Variants in TMEM132B observed in about 807,000 individuals in gnomAD.
TMEM132B encodes the protein transmembrane protein 132B.
A neutral mutation model predicts 90.8 loss-of-function variants in TMEM132B; 18 were observed. The ratio of observed to expected loss-of-function variants is 0.20; its 90% confidence interval spans 0.14 to 0.29. The LOEUF (loss-of-function observed/expected upper bound fraction) is 0.29, where lower values mean the gene tolerates loss of function less well. Ranked by LOEUF, TMEM132B falls within the 10% of genes least tolerant of loss-of-function variation. The probability of loss-of-function intolerance (pLI) is 1.00; values close to 1 mark genes in which losing one functional copy is unlikely to be tolerated. For missense variants in TMEM132B, 1,096 were observed against 1,326.8 expected (o/e 0.83, Z 2.70); for synonymous variants, 504 against 523.3 (o/e 0.96, Z 0.50).
chr12:125,624,300 A>T lies in TMEM132B; in HGVS notation c.1438-19776A>T, dbSNP rs1358043517. ...CTTCCAGTGCTGGTGAGGGGCAGAG[A>T]GGGGCTCCCAGGACCTGCCAGTTGC... On this transcript the variant is annotated intron_variant, in intron 5 of 8. Transcript: ENST00000682704. Among the ~76,000 whole-genome samples, 3 of 152,138 alleles carry T rather than the reference A, an allele frequency of 2.0e-5. 1 individual carries two copies. Among genetic ancestry groups the T allele is most frequent in the Non-Finnish European group, 4.4e-5 (3 of 68,010 alleles).
intron 4 of TMEM132B, among the ~76,000 whole-genome samples, chr12:125,531,591 G>A (rs1041692415): frequency 1.3e-5 from 2 of 152,172 alleles, no homozygotes; most frequent in East Asian, 1.9e-4. Context: ...AATTACCGTT[G>A]AGGAAGACAC....
intron 1 of TMEM132B, among the ~76,000 whole-genome samples, chr12:125,231,884 T>TCCC (rs5801589): frequency 6.7e-6 from 1 of 149,642 alleles, no homozygotes; most frequent in African/African-American, 2.5e-5. Context: ...TTCTTTTGTG[T>TCCC]CCCCCCCCCA....
intron 1 of TMEM132B, among the ~76,000 whole-genome samples, chr12:125,237,666 C>T (rs1348498172): frequency 6.6e-6 from 1 of 152,198 alleles, no homozygotes; most frequent in Admixed American, 6.5e-5. Flanking sequence ...CTAGGCTTGT[C>T]TCGAACTCCT....
chr12:125,349,780 C>T lies in TMEM132B; in HGVS notation c.396C>T (p.Ser132=). 1.2e-6 allele frequency: 2 copies of T among 1,614,230 alleles called. No homozygotes were observed. Among genetic ancestry groups the T allele is most frequent in the Non-Finnish European group, 1.7e-6 (2 of 1,180,042 alleles). Residue 132 remains serine (S), a synonymous_variant, in exon 2 of 9, where the codon AGC becomes AGT. Coordinates refer to ENST00000682704, the MANE Select transcript of TMEM132B (RefSeq NM_001366854.1). This position sits in a 1 kb window ranked among gnomAD's most constrained non-coding sequence, Gnocchi z 4.1. The part of the protein sequence containing the change: ...NWKLKSHILD[S]SIYSNRPKVQ... ...AATTGAAATCCCACATCCTTGACAG[C>T]TCCATCTACTCCAACAGACCCAAAG...
At chr12:125,328,947 C>T (rs976127362) in intron 1 of TMEM132B, among the ~76,000 whole-genome samples, 1 of 152,150 alleles carries the variant, frequency 6.6e-6, no homozygotes, top group African/African-American at 2.4e-5. Context: ...AACTTCAGTG[C>T]CGGGCACAGG....
At chr12:125,363,058 CGTT>C (rs1878012197) in intron 2 of TMEM132B, among the ~76,000 whole-genome samples, 1 of 152,122 alleles carries the variant, frequency 6.6e-6, no homozygotes, top group South Asian at 2.1e-4. Context: ...TTGCCTGCCA[CGTT>C]GAACACAAAC....
intron 4 of TMEM132B, among the ~76,000 whole-genome samples, chr12:125,569,332 G>T (rs886974460): frequency 2.0e-5 from 3 of 152,128 alleles, no homozygotes; most frequent in African/African-American, 7.2e-5. Context: ...CTGGCCCAGG[G>T]TCACCTAGGA....
intron 1 of TMEM132B, among the ~76,000 whole-genome samples, chr12:125,287,505 C>T (rs10846859): frequency 0.14 from 20,752 of 152,058 alleles, 1,585 homozygotes; most frequent in African/African-American, 0.2. Flanking sequence ...CACATGTAGA[C>T]CAATACTCAG....
At chr12:125,405,752 C>T (rs1217551616) in intron 2 of TMEM132B, among the ~76,000 whole-genome samples, 1 of 152,188 alleles carries the variant, frequency 6.6e-6, no homozygotes, top group African/African-American at 2.4e-5. Flanking sequence ...GAGACCTACT[C>T]ATAGTGCTGT....
chr12:125,543,152 TCAGAAGTCCAGA>T (rs1420187198), intron 4 of TMEM132B, among the ~76,000 whole-genome samples: 2 of 152,224 alleles, frequency 1.3e-5, no homozygotes, highest in African/African-American at 4.8e-5. Flanking sequence ...TCTACTTTTC[TCAGAAGTCCAGA>T]CAGTCTCTGT....
intron 1 of TMEM132B, among the ~76,000 whole-genome samples, chr12:125,332,426 AT>A (rs201319756): frequency 3.3e-5 from 5 of 150,940 alleles, no homozygotes; most frequent in South Asian, 2.1e-4. Flanking sequence ...TTCTTCATCA[AT>A]TTTTTTTTCC....
chr12:125,366,345 G>A (rs1007582964), intron 2 of TMEM132B, among the ~76,000 whole-genome samples: 2 of 152,156 alleles, frequency 1.3e-5, no homozygotes, highest in Admixed American at 6.5e-5. Context: ...ACGCAGGAGT[G>A]CAGATATCTC....
chr12:125,538,033 A>G (rs1054327762), intron 4 of TMEM132B, among the ~76,000 whole-genome samples: 3 of 152,060 alleles, frequency 2.0e-5, no homozygotes, highest in African/African-American at 4.8e-5. Context: ...CTCGGCTCCT[A>G]TTGGCGTCAG....
rs1882562106 is a variant in TMEM132B, at chr12:125,496,474, T to C, written c.1107-22965T>C. On this transcript the variant is annotated intron_variant, in intron 3 of 8. Transcript: ENST00000682704. ...TGTATCATAAAATACCACATCTCTA[T>C]CTCATGATAGGCTTTAATGCTCAGA... is the stretch of plus-strand genomic sequence containing the variant. Among the ~76,000 whole-genome samples, 3 of 152,112 alleles carry C rather than the reference T, an allele frequency of 2.0e-5. No homozygotes were observed. The South Asian group carries it at 6.2e-4, about 32-fold the overall frequency.
chr12:125,298,760 GTCTC>G (rs1157137364), intron 1 of TMEM132B, among the ~76,000 whole-genome samples: 1 of 149,916 alleles, frequency 6.7e-6, no homozygotes, highest in Non-Finnish European at 1.5e-5. Flanking sequence ...TTGAGACGGG[GTCTC>G]TCTCTGTCAC....
intron 4 of TMEM132B, among the ~76,000 whole-genome samples, chr12:125,524,409 A>T (rs1883391170): frequency 6.6e-6 from 1 of 152,206 alleles, no homozygotes; most frequent in Admixed American, 6.5e-5. Context: ...GGTAGGTGGC[A>T]GTGAGATATT....
chr12:125,337,238 G>A (rs547253172), intron 1 of TMEM132B, among the ~76,000 whole-genome samples: 18 of 152,214 alleles, frequency 1.2e-4, no homozygotes, highest in Non-Finnish European at 2.2e-4. Context: ...CAAATCGTAA[G>A]CCTATACCAT....
chr12:125,630,994 T>A lies in TMEM132B; in HGVS notation c.1438-13082T>A, dbSNP rs534098236. 8.5e-5 allele frequency among the ~76,000 whole-genome samples: 13 copies of A among 152,278 alleles called. No homozygotes were observed. In the South Asian group the frequency reaches 2.5e-3, roughly 29 times the overall value. On this transcript the variant is annotated intron_variant, in intron 5 of 8. Coordinates refer to ENST00000682704, the MANE Select transcript of TMEM132B (RefSeq NM_001366854.1). The stretch of plus-strand genomic sequence containing the variant: ...TTTATTTAATTTAAATTCATTTATT[T>A]CTGCTCCAATCTTTATTTCTGTTCT...
At chr12:125,300,283 A>G (rs1875788727) in intron 1 of TMEM132B, among the ~76,000 whole-genome samples, 1 of 151,322 alleles carries the variant, frequency 6.6e-6, no homozygotes, top group Non-Finnish European at 1.5e-5. Context: ...CAGTCCTCCC[A>G]CTTCAGCCTC....
Sources: allele counts gnomAD v4.1 joint callset (sites outside exome capture counted in the v4.1 genomes callset), GRCh38; gene constraint gnomAD v4.1.1; non-coding constraint Gnocchi (gnomAD v3.1); transcripts MANE v1.5; gene names NCBI Gene and HGNC (gene_info 2026-07-23, HGNC 2026-07-21).